The following GRIK4 variants were observed in gnomAD, a reference collection of about 807,000 sequenced individuals.
GRIK4 encodes glutamate ionotropic receptor kainate type subunit 4.
A neutral mutation model predicts 104.9 loss-of-function variants in GRIK4; 40 were observed. The ratio of observed to expected loss-of-function variants is 0.38; its 90% CI spans 0.30 to 0.50. The LOEUF (loss-of-function observed/expected upper bound fraction) is 0.50, where lower values mean the gene tolerates loss of function less well. Among genes scored for constraint, GRIK4 ranks in the 20% least tolerant of loss-of-function variants. The pLI, the probability that GRIK4 is intolerant of heterozygous loss-of-function variation, is 0.93. For synonymous variants in GRIK4, 485 were observed against 524.9 expected, an observed-to-expected ratio of 0.92 and a Z score of 1.04; for missense variants, 1,047 against 1,308.1, an observed-to-expected ratio of 0.80 and a Z score of 3.08.
At chr11:120,705,310 C>G (rs1950611439) in intron 3 of GRIK4, among the ~76,000 whole-genome samples, 1 of 151,356 alleles carries the variant, frequency 6.6e-6, no homozygotes, top group Non-Finnish European at 1.5e-5. Flanking sequence ...CGGCTCACTA[C>G]TGCCTCCTGG....
chr11:120,555,300 T>C lies in GRIK4; in HGVS notation c.-159+43413T>C, dbSNP rs1187589920. Among the ~76,000 whole-genome samples, 1 of 152,166 alleles carries C rather than the reference T, an allele frequency of 6.6e-6. No homozygotes were observed. Among genetic ancestry groups the C allele is most frequent in the African/African-American group, 2.4e-5 (1 of 41,452 alleles). ...ATGCATTAGGTCTGGGAGCTCTCAT[T>C]ACTGGCTGGTGAACCAGAAGCCACT... On this transcript the variant is annotated intron_variant, in intron 1 of 20. Coordinates refer to ENST00000527524, the MANE Select transcript of GRIK4 (RefSeq NM_014619.5). This position sits in a 1 kb window ranked among gnomAD's most constrained non-coding sequence, Gnocchi z 5.3.
At chr11:120,737,015 C>T (rs774014124) in intron 3 of GRIK4, among the ~76,000 whole-genome samples, 7 of 152,234 alleles carry the variant, frequency 4.6e-5, no homozygotes, top group South Asian at 4.2e-4. Context: ...TCCCACTAGC[C>T]GAAGATGACA....
intron 1 of GRIK4, among the ~76,000 whole-genome samples, chr11:120,638,743 C>G (rs891393078): frequency 6.6e-6 from 1 of 151,962 alleles, no homozygotes; most frequent in Non-Finnish European, 1.5e-5. Context: ...TCCCAAAGTG[C>G]TGGGATTACA....
intron 9 of GRIK4, among the ~76,000 whole-genome samples, chr11:120,863,667 A>G (rs904402147): frequency 3.9e-5 from 6 of 152,260 alleles, no homozygotes; most frequent in Non-Finnish European, 8.8e-5. Flanking sequence ...TTTTTAAAAT[A>G]GGAGCGATGC....
intron 3 of GRIK4, among the ~76,000 whole-genome samples, chr11:120,720,758 AG>A (rs1318644650): frequency 6.6e-6 from 1 of 152,094 alleles, no homozygotes; most frequent in Non-Finnish European, 1.5e-5. Context: ...TATTTTAAGA[AG>A]TTAAGGGTGC....
chr11:120,835,058 A>G (rs1047572155), intron 7 of GRIK4, among the ~76,000 whole-genome samples: 2 of 152,126 alleles, frequency 1.3e-5, no homozygotes, highest in Admixed American at 1.3e-4. Flanking sequence ...GTGAAGGAGG[A>G]AATATAGCTT....
At chr11:120,548,117 C>A (rs183947165) in intron 1 of GRIK4, among the ~76,000 whole-genome samples, 1 of 152,082 alleles carries the variant, frequency 6.6e-6, no homozygotes, top group Non-Finnish European at 1.5e-5. Context: ...TGACTCAGCC[C>A]GAATCAATTG....
At chr11:120,682,132 G>T (rs758921426) in intron 3 of GRIK4, among the ~76,000 whole-genome samples, 2 of 152,192 alleles carry the variant, frequency 1.3e-5, no homozygotes, top group Non-Finnish European at 2.9e-5. Context: ...ACAGTGACAG[G>T]GGCAGTGATT....
rs1464967428 is a variant in GRIK4, at chr11:120,819,876, T to A, written c.467T>A (p.Phe156Tyr). 4 of 1,614,056 alleles carry A rather than the reference T, an allele frequency of 2.5e-6. No individual in the cohort carries two copies. In the East Asian group the frequency reaches 6.7e-5, roughly 27 times the overall value. The change falls in exon 6 of 21, where the codon TTC (phenylalanine) becomes TAC (tyrosine). Residue 156 changes from phenylalanine to tyrosine, a missense_variant. By Grantham distance (22) the Phe-to-Tyr change is conservative. This residue lies in a region of GRIK4 where 447 missense variants were observed against 514.9 expected (regional missense o/e 0.87). Coordinates refer to ENST00000527524, the MANE Select transcript of GRIK4 (RefSeq NM_014619.5). This position sits in a 1 kb window ranked among gnomAD's most constrained non-coding sequence, Gnocchi z 4.3. ...ISVAVAGILN[F>Y]FNCTTACLIC... ...GTGGCTGTAGCTGGGATCCTGAACTTCTTCAACTGCACCACCGCCTGCCTC... is the reference window on the plus strand; with the variant it reads ...GTGGCTGTAGCTGGGATCCTGAACTACTTCAACTGCACCACCGCCTGCCTC...
chr11:120,599,640 C>T (rs1160984848), intron 1 of GRIK4, among the ~76,000 whole-genome samples: 3 of 152,216 alleles, frequency 2.0e-5, no homozygotes, highest in Admixed American at 6.5e-5. Flanking sequence ...TATAGTGCCC[C>T]GTTTTCAGTG....
At chr11:120,674,090 T>G (rs1381175028) in intron 3 of GRIK4, among the ~76,000 whole-genome samples, 1 of 152,208 alleles carries the variant, frequency 6.6e-6, no homozygotes, top group Non-Finnish European at 1.5e-5. Context: ...CCCGGCATCT[T>G]CTTTCTTCCA....
intron 1 of GRIK4, among the ~76,000 whole-genome samples, chr11:120,601,775 G>A (rs1465738631): frequency 6.6e-6 from 1 of 151,860 alleles, no homozygotes; most frequent in African/African-American, 2.4e-5. Context: ...ACTGAGTTTG[G>A]GGTGAAAATG....
In GRIK4 at chr11:120,726,267, T is replaced by C. The variant is rs1022406868; in HGVS notation, c.82+65867T>C. Among the ~76,000 whole-genome samples the C allele has an allele frequency of 1.7e-4, 26 of 152,300 alleles. 1 individual carries two copies. Among genetic ancestry groups the C allele is most frequent in the Admixed American group, 1.5e-3 (23 of 15,296 alleles). On this transcript the variant is annotated intron_variant, in intron 3 of 20. Transcript: ENST00000527524. ...AGCCATAGTGGAGGTTGGAATGTTA[T>C]TGTTTGCAGTAGAAAGCCTTTGGGA...
At chr11:120,979,327 G>C (rs1944613054) in intron 19 of GRIK4, among the ~76,000 whole-genome samples, 2 of 152,086 alleles carry the variant, frequency 1.3e-5, no homozygotes, top group African/African-American at 4.8e-5. Flanking sequence ...ACATTCTTTT[G>C]TATGTATGTG....
In GRIK4 at chr11:120,601,160, C is replaced by G. The variant is rs189539918; in HGVS notation, c.-158-52525C>G. On this transcript the variant is annotated intron_variant, in intron 1 of 20. Transcript: ENST00000527524. ...GTGGCTCACGTCTGTAATCCCAGCA[C>G]TTTGGGAGGCCGAGGCAGGTAGATC... 5.6e-3 allele frequency among the ~76,000 whole-genome samples: 847 copies of G among 152,112 alleles called. 6 individuals carry two copies. Among genetic ancestry groups the G allele is most frequent in the African/African-American group, 0.019 (786 of 41,512 alleles).
At chr11:120,517,365 C>T (rs1261195773) in intron 1 of GRIK4, among the ~76,000 whole-genome samples, 1 of 149,000 alleles carries the variant, frequency 6.7e-6, no homozygotes, top group Non-Finnish European at 1.5e-5. Flanking sequence ...TCCCAGGCTC[C>T]TTGGTGCGAT....
chr11:120,642,819 A>G (rs1281176359), intron 1 of GRIK4, among the ~76,000 whole-genome samples: 2 of 152,182 alleles, frequency 1.3e-5, no homozygotes, highest in Non-Finnish European at 2.9e-5. Context: ...GAACATTGCA[A>G]ATAGGAAGCT....
At chr11:120,887,541 G>C (rs1955157231) in intron 11 of GRIK4, among the ~76,000 whole-genome samples, 1 of 152,192 alleles carries the variant, frequency 6.6e-6, no homozygotes, top group Admixed American at 6.5e-5. Flanking sequence ...AAAAAGAAAT[G>C]ACTTGCCCAA....
chr11:120,837,078 T>C (rs1953593057), intron 8 of GRIK4, among the ~76,000 whole-genome samples: 1 of 152,184 alleles, frequency 6.6e-6, no homozygotes, highest in Admixed American at 6.5e-5. Context: ...GCTAGCTACA[T>C]AAAGCGAATT....
Sources: allele counts gnomAD v4.1 joint callset (sites outside exome capture counted in the v4.1 genomes callset), GRCh38; gene constraint gnomAD v4.1.1; regional missense constraint gnomAD v4.1.1; non-coding constraint Gnocchi (gnomAD v3.1); transcripts MANE v1.5; gene names NCBI Gene and HGNC (gene_info 2026-07-23, HGNC 2026-07-21).